Variants in EPHX2 observed in about 807,000 individuals in gnomAD.
The protein encoded by EPHX2 is epoxide hydrolase 2, also known as bifunctional epoxide hydrolase 2.
A neutral mutation model predicts 78.7 loss-of-function variants in EPHX2; 74 were observed. That is an observed-to-expected ratio of 0.94 (90% CI 0.78 to 1.14). The LOEUF (loss-of-function observed/expected upper bound fraction) is 1.14, where lower values mean the gene tolerates loss of function less well. Among genes scored for constraint, EPHX2 ranks in the 50% most tolerant of loss-of-function variants. The pLI is 0.00. For synonymous variants in EPHX2, 251 were observed against 255.2 expected, an observed-to-expected ratio of 0.98 and a Z score of 0.16; for missense variants, 715 against 702.5, an observed-to-expected ratio of 1.02 and a Z score of -0.20.
chr8:27,547,270 T>C (rs577591005), downstream of EPHX2, among the ~76,000 whole-genome samples: 1 of 152,350 alleles, frequency 6.6e-6, no homozygotes, highest in Admixed American at 6.5e-5. Context: ...TTTCCTGGTC[T>C]GCTTTGAGGA....
intron 12 of EPHX2, among the ~76,000 whole-genome samples, chr8:27,531,552 C>G (rs1815042357): frequency 6.6e-6 from 1 of 152,214 alleles, no homozygotes; most frequent in African/African-American, 2.4e-5. Context: ...GAATTGGAGT[C>G]ATTTTTGTCA....
chr8:27,544,207 C>A lies in EPHX2; in HGVS notation c.1552C>A (p.His518Asn). 1 of 1,614,148 alleles carries A rather than the reference C, an allele frequency of 6.2e-7. No individual in the cohort carries two copies. The highest frequency in any genetic ancestry group is 8.5e-7 in the Non-Finnish European group (1 of 1,180,030). The change falls in exon 18 of 19, where the codon CAC (histidine) becomes AAC (asparagine). Residue 518 changes from histidine to asparagine, a missense_variant. His to Asn is a moderately conservative substitution (Grantham distance 68, BLOSUM62 1). Coordinates refer to ENST00000521400, the MANE Select transcript of EPHX2 (RefSeq NM_001979.6). The part of the protein sequence containing the change: ...EDWIPHLKRG[H>N]IEDCGHWTQM... The stretch of plus-strand genomic sequence containing the variant: ...TCAGATTCCCCACCTGAAAAGGGGA[C>A]ACATTGAGGACTGTGGGCACTGGAC...
At chr8:27,540,479 G>A (rs1353648865) in intron 14 of EPHX2, 75 bp from the exon 15 acceptor site, 4 of 1,292,102 alleles carry the variant, frequency 3.1e-6, no homozygotes, top group Non-Finnish European at 1.1e-6. Context: ...TCTGCGAGAG[G>A]CAATGAGGTC....
At chr8:27,548,483 G>C (rs1273043495), downstream of EPHX2, among the ~76,000 whole-genome samples, 5 of 152,166 alleles carry the variant, frequency 3.3e-5, no homozygotes, top group African/African-American at 1.2e-4. Flanking sequence ...GTAACTGTCT[G>C]TCTCCCTGTT....
chr8:27,530,209 C>T (rs1814989945), intron 12 of EPHX2, among the ~76,000 whole-genome samples: 1 of 152,052 alleles, frequency 6.6e-6, no homozygotes, highest in Non-Finnish European at 1.5e-5. Context: ...CTTTCTTAAT[C>T]TCTAGAACAC....
chr8:27,511,576 C>T (rs1814247100), intron 5 of EPHX2, among the ~76,000 whole-genome samples: 1 of 152,138 alleles, frequency 6.6e-6, no homozygotes, highest in Admixed American at 6.5e-5. Context: ...TTTAATGTGC[C>T]AGGTAGGAGG....
intron 12 of EPHX2, among the ~76,000 whole-genome samples, chr8:27,536,285 T>A (rs1040102164): frequency 7.2e-5 from 11 of 152,226 alleles, no homozygotes; most frequent in Non-Finnish European, 1.6e-4. Flanking sequence ...TAAGTTTCTT[T>A]GTAAAGATGG....
intron 12 of EPHX2, among the ~76,000 whole-genome samples, chr8:27,529,536 G>A (rs1027164140): frequency 6.6e-6 from 1 of 152,132 alleles, no homozygotes; most frequent in Non-Finnish European, 1.5e-5. Flanking sequence ...AACCGCACAT[G>A]TGTATTTTTA....
At chr8:27,498,780 G>A (rs954196583) in intron 1 of EPHX2, among the ~76,000 whole-genome samples, 1 of 152,076 alleles carries the variant, frequency 6.6e-6, no homozygotes, top group Non-Finnish European at 1.5e-5. Context: ...TGGAGGAGGT[G>A]GAAATGTTCT....
chr8:27,520,640 C>T (rs116682306), intron 9 of EPHX2, among the ~76,000 whole-genome samples: 2,001 of 152,206 alleles, frequency 0.013, 39 homozygotes, highest in African/African-American at 0.046. Flanking sequence ...CGACTGTGCC[C>T]GGCTTAATCT....
intron 6 of EPHX2, among the ~76,000 whole-genome samples, chr8:27,514,513 A>G (rs1205321822): frequency 6.6e-6 from 1 of 152,164 alleles, no homozygotes; most frequent in East Asian, 1.9e-4. Context: ...CCACCATAAC[A>G]GTCAAGGCTG....
rs553807382 is a variant in EPHX2, at chr8:27,514,035, G to A, written c.736-1683G>A. On this transcript the variant is annotated intron_variant, in intron 6 of 18. Transcript: ENST00000521400. ...GGAATTATGAATAAAACTTTCTGTG[G>A]GGCCAGGTGTGGTGGCTCATGCCTG... 1.4e-4 allele frequency among the ~76,000 whole-genome samples: 21 copies of A among 152,240 alleles called. 1 individual carries two copies. Among genetic ancestry groups the A allele is most frequent in the African/African-American group, 5.1e-4 (21 of 41,560 alleles).
downstream of EPHX2, among the ~76,000 whole-genome samples, chr8:27,547,257 A>G (rs910377256): frequency 1.4e-4 from 21 of 152,168 alleles, no homozygotes; most frequent in Non-Finnish European, 2.5e-4. Context: ...GTCCAGGGCT[A>G]TGTTTCCTGG....
Position 27,506,882 on chromosome 8 carries a change from T to C in EPHX2, c.548T>C (p.Leu183Ser). 1 of 1,614,066 alleles carries C rather than the reference T, an allele frequency of 6.2e-7. No homozygotes were observed. Among genetic ancestry groups the C allele is most frequent in the East Asian group, 2.2e-5 (1 of 44,878 alleles). The part of the protein sequence containing the change: ...LKASPSEVVF[L>S]DDIGANLKPA... ...CTGTTTTGGGCTCAGGTCGTTTTTT[T>C]GGATGACATCGGGGCTAATCTGAAG... The change falls in exon 5 of 19, where the codon TTG becomes TCG. Residue 183 changes from leucine (L) to serine (S), a missense_variant. Leu to Ser is a moderately radical substitution (Grantham distance 145). Transcript: ENST00000521400.
chr8:27,506,822 C>T, intron 4 of EPHX2, 50 bp from the exon 5 acceptor site: 1 of 1,591,108 alleles, frequency 6.3e-7, no homozygotes. Context: ...CCCCTGTTTG[C>T]ATTCTGGTGA....
At chr8:27,492,189 G>T (rs141999123) in intron 1 of EPHX2, among the ~76,000 whole-genome samples, 101 of 152,170 alleles carry the variant, frequency 6.6e-4, no homozygotes, top group African/African-American at 2.4e-3. Flanking sequence ...GTCCATGTCC[G>T]GAGCCTTTGC....
intron 1 of EPHX2, among the ~76,000 whole-genome samples, chr8:27,491,758 C>T (rs557720071): frequency 6.6e-6 from 1 of 152,150 alleles, no homozygotes; most frequent in Non-Finnish European, 1.5e-5. Flanking sequence ...AGTGAGAGCT[C>T]AGGGACTTGG....
intron 1 of EPHX2, among the ~76,000 whole-genome samples, chr8:27,495,128 T>A (rs1813527676): frequency 6.6e-6 from 1 of 152,272 alleles, no homozygotes; most frequent in African/African-American, 2.4e-5. Context: ...AACTCCATGA[T>A]TTCCTTGTGG....
At chr8:27,511,958 C>A in intron 6 of EPHX2, 48 bp downstream of exon 6, 1 of 1,579,736 alleles carries the variant, frequency 6.3e-7, no homozygotes, top group South Asian at 1.1e-5. Flanking sequence ...CCCACCAGGT[C>A]ACCTAAAACG....
Sources: allele counts gnomAD v4.1 joint callset (sites outside exome capture counted in the v4.1 genomes callset), GRCh38; gene constraint gnomAD v4.1.1; transcripts MANE v1.5; gene names NCBI Gene and HGNC (gene_info 2026-07-23, HGNC 2026-07-21).